Variants in USP5 observed in about 807,000 individuals in gnomAD.
USP5 encodes ubiquitin specific peptidase 5.
A neutral mutation model predicts 102.5 loss-of-function variants in USP5; 24 were observed. That is an observed-to-expected ratio of 0.23 (90% CI 0.17 to 0.33). The LOEUF (loss-of-function observed/expected upper bound fraction) is 0.33, where lower values mean the gene tolerates loss of function less well. Among genes scored for constraint, USP5 ranks in the 10% least tolerant of loss-of-function variants. The pLI is 1.00. For synonymous variants in USP5, 460 were observed against 434.8 expected (o/e 1.06, Z -0.72); for missense variants, 753 against 1,122.1 (o/e 0.67, Z 4.70).
rs782256062 is a variant in USP5, at chr12:6,861,462, G to A, written c.1518G>A (p.Glu506=). ...CACCAGAGGAGCTTCTGGAGTACGA[G>A]GAGAAGAAGCGGCAAGCCGAAGAGG... The part of the protein sequence containing the change: ...ALNKEELLEY[E]EKKRQAEEEK... Residue 506 remains glutamate, a synonymous_variant, in exon 13 of 20, where the codon GAG becomes GAA. Transcript: ENST00000229268. The surrounding 1 kb of genome is among the most constrained non-coding windows in gnomAD (Gnocchi z 4.9). 6 of 1,580,772 alleles carry A rather than the reference G, an allele frequency of 3.8e-6. No individual in the cohort carries two copies. The East Asian group carries it at 9.1e-5, about 24-fold the overall frequency.
chr12:6,866,197 G>A lies in USP5; in HGVS notation c.*120G>A. On this transcript the variant is annotated 3_prime_UTR_variant, in exon 20 of 20. Transcript: ENST00000229268. This position sits in a 1 kb window ranked among gnomAD's most constrained non-coding sequence, Gnocchi z 4.7. ...ACCCTTTTTCCTTTTGTCCCCGGCA[G>A]CAGGGAAGAAGCTGGAGGCCGTGGG... The A allele has an allele frequency of 1.1e-6, 1 of 928,548 alleles. No homozygotes were observed. Among genetic ancestry groups the A allele is most frequent in the Non-Finnish European group, 1.6e-6 (1 of 609,822 alleles). 57.5% of individuals were successfully genotyped at this position (928,548 alleles called of 1,614,324 possible).
chr12:6,864,919 C>A lies in USP5; in HGVS notation c.2398+44C>A. Reference sequence around the variant, plus strand: ...CAGGACAGGCCTGGTGGAATCTGGTCAGTCTACTACACCAGATCCCTCATT... The same window carrying A: ...CAGGACAGGCCTGGTGGAATCTGGTAAGTCTACTACACCAGATCCCTCATT... On this transcript the variant is annotated intron_variant, in intron 18 of 19. Coordinates refer to ENST00000229268, the MANE Select transcript of USP5 (RefSeq NM_001098536.2). This position sits in a 1 kb window ranked among gnomAD's most constrained non-coding sequence, Gnocchi z 4.8. The A allele has an allele frequency of 6.3e-7, 1 of 1,593,034 alleles. No homozygotes were observed. The highest frequency in any genetic ancestry group is 1.1e-5 in the South Asian group (1 of 89,804).
At position 6,852,290 on chromosome 12, in the gene USP5, G is replaced by A. The variant is rs1555127031; in HGVS notation, c.111G>A (p.Pro37=). 3 of 1,606,698 alleles carry A rather than the reference G, an allele frequency of 1.9e-6. No homozygotes were observed. The highest frequency in any genetic ancestry group is 2.5e-6 in the Non-Finnish European group (3 of 1,176,842). ...KDECAFSFDT[P]ESEGGLYICM... is the part of the protein sequence containing the mutation. ...AGTGCGCCTTCTCCTTCGACACGCC[G>A]GTAAGCCCATTCCCCACGCCCGCAA... Residue 37 remains proline (P), a splice_region_variant and synonymous_variant, in exon 1 of 20, where the codon CCG becomes CCA. Transcript: ENST00000229268.
rs1555130062 is a variant in USP5 at position 6,863,728 on chromosome 12, G to A, written c.1955-102G>A. ...AGGTGCCAATCCATGGGAGAAAAAT[G>A]CATGGAATGGGTGATTGGAAGAGGG... On this transcript the variant is annotated intron_variant, in intron 15 of 19. Coordinates refer to ENST00000229268, the MANE Select transcript of USP5 (RefSeq NM_001098536.2). This position sits in a 1 kb window ranked among gnomAD's most constrained non-coding sequence, Gnocchi z 4.7. The A allele has an allele frequency of 6.9e-7, 1 of 1,454,144 alleles. No homozygotes were observed. Among genetic ancestry groups the A allele is most frequent in the African/African-American group, 1.4e-5 (1 of 70,278 alleles). 90.1% of individuals were successfully genotyped at this position (1,454,144 alleles called of 1,614,324 possible). A position where few individuals can be genotyped will look rare whatever the true frequency, so the allele number is the denominator to read the frequency against.
chr12:6,857,580 G>A, intron 6 of USP5, 49 bp from the exon 7 acceptor site: 1 of 1,540,588 alleles, frequency 6.5e-7, no homozygotes, highest in Non-Finnish European at 9.0e-7. Flanking sequence ...TGGTGGCCTG[G>A]CTAGTCCTGA....
chr12:6,853,637 C>T (rs1555127546), intron 1 of USP5, among the ~76,000 whole-genome samples: 1 of 152,240 alleles, frequency 6.6e-6, no homozygotes, highest in African/African-American at 2.4e-5. Flanking sequence ...CTGTCTCTCT[C>T]CTTAGTAACT....
rs201347142 is a variant in USP5 at position 6,861,125 on chromosome 12, A to G, written c.1498+19A>G. The G allele has an allele frequency of 5.0e-5, 80 of 1,613,620 alleles. No individual in the cohort carries two copies. In the East Asian group the frequency reaches 1.8e-3, roughly 36 times the overall value. ...AACAAAGGTAGGCTGCTCCATCAGC[A>G]AGGCCGTGGCACGGTGGGAGGCTAA... On this transcript the variant is annotated intron_variant, in intron 12 of 19. Transcript: ENST00000229268. The surrounding 1 kb of genome is among the most constrained non-coding windows in gnomAD (Gnocchi z 4.9).
At chr12:6,862,054 A>G (rs186668681) in intron 13 of USP5, among the ~76,000 whole-genome samples, 1 of 150,120 alleles carries the variant, frequency 6.7e-6, no homozygotes, top group East Asian at 2.0e-4. Context: ...TGCTCCTGCC[A>G]GTGAAACAGC....
Position 6,860,336 on chromosome 12 carries a change from C to G in USP5, c.1219-30C>G. The G allele has an allele frequency of 6.2e-7, 1 of 1,614,050 alleles. No individual in the cohort carries two copies. The highest frequency in any genetic ancestry group is 2.2e-5 in the East Asian group (1 of 44,874). ...AGGCCCCTGGATGGCCACTGAGCCC[C>G]AGCTGAGTCCCTGCCCTGACTCTTC... On this transcript the variant is annotated intron_variant, in intron 10 of 19. Coordinates refer to ENST00000229268, the MANE Select transcript of USP5 (RefSeq NM_001098536.2). This position sits in a 1 kb window ranked among gnomAD's most constrained non-coding sequence, Gnocchi z 5.5.
At position 6,861,091 on chromosome 12, in the gene USP5, G is replaced by A. The variant is rs782483420; in HGVS notation, c.1483G>A (p.Ala495Thr). 8.1e-5 allele frequency: 131 copies of A among 1,614,106 alleles called. No individual in the cohort carries two copies. The highest frequency in any genetic ancestry group is 1.1e-4 in the Non-Finnish European group (130 of 1,180,050). ...CATGCAGCTGCCTGTGCCCATGGAT[G>A]CAGCCCTTAACAAAGGTAGGCTGCT... Reference protein sequence around the residue: ...YIMQLPVPMDAALNKEELLEY... With the variant: ...YIMQLPVPMDTALNKEELLEY... Residue 495 changes from alanine to threonine, a missense_variant, in exon 12 of 20, where the codon GCA (alanine) becomes ACA (threonine). Transcript: ENST00000229268. This position sits in a 1 kb window ranked among gnomAD's most constrained non-coding sequence, Gnocchi z 4.9.
At chr12:6,862,822 G>C (rs1418580976) in intron 14 of USP5, among the ~76,000 whole-genome samples, 1 of 152,120 alleles carries the variant, frequency 6.6e-6, no homozygotes, top group Admixed American at 6.5e-5. Flanking sequence ...TGATAATCTT[G>C]AAACAATTAA....
rs782459915 is a variant in USP5 at position 6,856,652 on chromosome 12, C to G, written c.585-55C>G. The G allele has an allele frequency of 1.3e-6, 2 of 1,597,820 alleles. No homozygotes were observed. Among genetic ancestry groups the G allele is most frequent in the Non-Finnish European group, 1.7e-6 (2 of 1,172,560 alleles). ...GGCCTGCAGAGCCCTCTCTCTCTGC[C>G]ACTCCCTCAAATCCCCGACCCACAT... On this transcript the variant is annotated intron_variant, in intron 5 of 19. Transcript: ENST00000229268. This position sits in a 1 kb window ranked among gnomAD's most constrained non-coding sequence, Gnocchi z 5.6.
Position 6,864,244 on chromosome 12 carries a change from G to T in USP5, c.2244+49G>T. Reference sequence around the variant, plus strand: ...CATGGGGCCAGTGGGGAAGAAGGGGGTGGGAATGAGGGGCCATCCTTCTTG... The same window carrying T: ...CATGGGGCCAGTGGGGAAGAAGGGGTTGGGAATGAGGGGCCATCCTTCTTG... On this transcript the variant is annotated intron_variant, in intron 17 of 19. Transcript: ENST00000229268. This position sits in a 1 kb window ranked among gnomAD's most constrained non-coding sequence, Gnocchi z 4.8. 5 of 1,533,258 alleles carry T rather than the reference G, an allele frequency of 3.3e-6. No homozygotes were observed. Among genetic ancestry groups the T allele is most frequent in the Non-Finnish European group, 4.4e-6 (5 of 1,140,348 alleles). 95.0% of individuals were successfully genotyped at this position (1,533,258 alleles called of 1,614,324 possible).
At position 6,861,201 on chromosome 12, in the gene USP5, C is replaced by T. The variant is rs1292379123; in HGVS notation, c.1498+95C>T. On this transcript the variant is annotated intron_variant, in intron 12 of 19. Transcript: ENST00000229268. The surrounding 1 kb of genome is among the most constrained non-coding windows in gnomAD (Gnocchi z 4.9). ...TCATGGGAGCACAGCCCAGGGAATG[C>T]CCTGCTTCACCAGCCAAGGTTCCAG... The T allele has an allele frequency of 1.8e-5, 27 of 1,542,820 alleles. No individual in the cohort carries two copies. Among genetic ancestry groups the T allele is most frequent in the Non-Finnish European group, 2.2e-5 (25 of 1,144,990 alleles).
rs1555128229 is a variant in USP5, at chr12:6,856,200, G to A, written c.438+50G>A. 1 of 1,611,552 alleles carries A rather than the reference G, an allele frequency of 6.2e-7. No individual in the cohort carries two copies. Among genetic ancestry groups the A allele is most frequent in the Admixed American group, 1.7e-5 (1 of 59,952 alleles). ...AAGATTCTAGAGCAAGATGGGCCAG[G>A]GTAGTGGTGTCTTAGGCAAGCACTG... On this transcript the variant is annotated intron_variant, in intron 4 of 19. Transcript: ENST00000229268. The surrounding 1 kb of genome is among the most constrained non-coding windows in gnomAD (Gnocchi z 5.6).
Position 6,864,417 on chromosome 12 carries a change from C to T in USP5, c.2244+222C>T, listed in dbSNP as rs969229419. On this transcript the variant is annotated intron_variant, in intron 17 of 19. Coordinates refer to ENST00000229268, the MANE Select transcript of USP5 (RefSeq NM_001098536.2). This position sits in a 1 kb window ranked among gnomAD's most constrained non-coding sequence, Gnocchi z 4.8. Reference sequence around the variant, plus strand: ...TGTAATGCTTCTGTTTGGCCGGGCGCGGTGGCTCACGCCTGTAATCCCAGC... The same window carrying T: ...TGTAATGCTTCTGTTTGGCCGGGCGTGGTGGCTCACGCCTGTAATCCCAGC... Among the ~76,000 whole-genome samples, 6 of 152,180 alleles carry T rather than the reference C, an allele frequency of 3.9e-5. No homozygotes were observed. Among genetic ancestry groups the T allele is most frequent in the Non-Finnish European group, 7.3e-5 (5 of 68,040 alleles).
Position 6,858,858 on chromosome 12 carries a change from A to G in USP5, c.1058+241A>G, listed in dbSNP as rs112306827. ...ACATAGCGAGACCCTGTCTTCTCTT[A>G]AAAAAAAAAAAGAATAATTCCTGTC... On this transcript the variant is annotated intron_variant, in intron 8 of 19. Transcript: ENST00000229268. This position sits in a 1 kb window ranked among gnomAD's most constrained non-coding sequence, Gnocchi z 4.2. 9.0e-3 allele frequency: 1,477 copies of G among 164,280 alleles called. 19 individuals carry two copies. The highest frequency in any genetic ancestry group is 0.039 in the African/African-American group (1,381 of 35,572). 10.2% of individuals were successfully genotyped at this position (164,280 alleles called of 1,614,324 possible).
rs530699626 is a variant in USP5 at position 6,855,225 on chromosome 12, ATC to A, written c.112-174_112-173del. 1.4e-4 allele frequency among the ~76,000 whole-genome samples: 21 copies of A among 152,332 alleles called. 1 individual carries two copies. The South Asian group carries it at 4.1e-3, about 30-fold the overall frequency. On this transcript the variant is annotated intron_variant, in intron 1 of 19. Transcript: ENST00000229268. The surrounding 1 kb of genome is among the most constrained non-coding windows in gnomAD (Gnocchi z 4.6). ...AAAGTCATGGGAGGAAATGGGGAGA[ATC>A]TTAGCTATGTCCCAGGTCCTAAAAG...
intron 1 of USP5, 124 bp downstream of exon 1, chr12:6,852,414 C>A: frequency 1.0e-6 from 1 of 983,190 alleles, no homozygotes; most frequent in Non-Finnish European, 1.5e-6. Context: ...TGTAGTCTCC[C>A]ACGCTCCACT....
Sources: allele counts gnomAD v4.1 joint callset (sites outside exome capture counted in the v4.1 genomes callset), GRCh38; gene constraint gnomAD v4.1.1; non-coding constraint Gnocchi (gnomAD v3.1); transcripts MANE v1.5; gene names NCBI Gene and HGNC (gene_info 2026-07-23, HGNC 2026-07-21).